DIAPH2: variants seen among roughly 807,000 people sequenced by gnomAD.
DIAPH2 encodes diaphanous related formin 2.
A neutral mutation model predicts 92.7 loss-of-function variants in DIAPH2; 35 were observed. The ratio of observed to expected loss-of-function variants is 0.38; its 90% CI spans 0.29 to 0.50. The LOEUF is 0.50. DIAPH2 is among the 20% of genes least tolerant of loss of function. The pLI is 0.94. For synonymous variants in DIAPH2, 301 were observed against 280.4 expected (o/e 1.07, Z -0.73); for missense variants, 701 against 819.5 (o/e 0.86, Z 1.77).
intron 4 of DIAPH2, among the ~76,000 whole-genome samples, chrX:96,831,506 A>C (rs933932330): frequency 8.9e-6 from 1 of 112,183 alleles, no homozygotes; most frequent in African/African-American, 3.2e-5. Context: ...AAATCTGTGC[A>C]ACTGTGATTA....
intron 24 of DIAPH2, among the ~76,000 whole-genome samples, chrX:97,349,052 T>TATATGTGTGTA (rs1569369723): frequency 9.8e-4 from 99 of 101,040 alleles, no homozygotes; most frequent in African/African-American, 3.3e-3. Flanking sequence ...ATATGTGTAT[T>TATATGTGTGTA]TATATATGTG....
At chrX:97,501,884 C>A (rs187869369) in intron 26 of DIAPH2, among the ~76,000 whole-genome samples, 1 of 111,683 alleles carries the variant, frequency 9.0e-6, no homozygotes. Context: ...CTCACTGCAA[C>A]TTCCGCCTCC....
chrX:96,901,836 T>C (rs2147771483), intron 5 of DIAPH2, among the ~76,000 whole-genome samples: 1 of 110,578 alleles, frequency 9.0e-6, no homozygotes, highest in East Asian at 2.9e-4. Context: ...CGCCCGGCCT[T>C]TGTTTGTTCT....
At chrX:96,787,201 A>G (rs1041467943) in intron 4 of DIAPH2, among the ~76,000 whole-genome samples, 1 of 111,987 alleles carries the variant, frequency 8.9e-6, no homozygotes, top group Admixed American at 9.6e-5. Context: ...GAATTCACGT[A>G]TATAAAACAT....
intron 4 of DIAPH2, among the ~76,000 whole-genome samples, chrX:96,826,057 T>C (rs1392401702): frequency 8.9e-6 from 1 of 111,921 alleles, no homozygotes; most frequent in Non-Finnish European, 1.9e-5. Context: ...CTTATATCAC[T>C]ATTTGGCTCA....
chrX:97,077,301 A>G (rs1017111527), intron 19 of DIAPH2, among the ~76,000 whole-genome samples: 4 of 111,835 alleles, frequency 3.6e-5, no homozygotes, highest in African/African-American at 1.3e-4. Flanking sequence ...TCTACCCCCA[A>G]TTCCAGAACA....
chrX:97,486,663 C>G (rs776809905), intron 26 of DIAPH2, among the ~76,000 whole-genome samples: 5 of 111,612 alleles, frequency 4.5e-5, no homozygotes, highest in Non-Finnish European at 9.4e-5. Flanking sequence ...ACATATATGC[C>G]TACTAGCCCA....
At chrX:97,530,035 G>A (rs2071049583) in intron 26 of DIAPH2, among the ~76,000 whole-genome samples, 1 of 111,973 alleles carries the variant, frequency 8.9e-6, no homozygotes, top group South Asian at 3.7e-4. Flanking sequence ...TTTCCTTTTG[G>A]GGCATTTGCC....
At chrX:97,267,101 G>T (rs1052864930) in intron 23 of DIAPH2, among the ~76,000 whole-genome samples, 14 of 111,799 alleles carry the variant, frequency 1.3e-4, no homozygotes, top group Non-Finnish European at 2.4e-4. Context: ...ACATAGAAAA[G>T]AATTGATTTT....
intron 7 of DIAPH2, among the ~76,000 whole-genome samples, chrX:96,913,905 C>T (rs971636683): frequency 9.1e-6 from 1 of 109,838 alleles, no homozygotes; most frequent in African/African-American, 3.3e-5. Context: ...TAGAAATGAC[C>T]TCTTCATACC....
intron 3 of DIAPH2, among the ~76,000 whole-genome samples, chrX:96,752,677 G>A (rs182206558): frequency 8.9e-6 from 1 of 111,790 alleles, no homozygotes; most frequent in African/African-American, 3.2e-5. Context: ...GGAGAGGATG[G>A]TAAAGATGAC....
chrX:97,566,637 G>T (rs951508594), intron 26 of DIAPH2, among the ~76,000 whole-genome samples: 3 of 111,857 alleles, frequency 2.7e-5, no homozygotes, highest in Admixed American at 1.9e-4. Context: ...AGAGAGAAAT[G>T]TTACATGTAA....
At chrX:96,839,862 C>T (rs2064924164) in intron 4 of DIAPH2, among the ~76,000 whole-genome samples, 1 of 111,628 alleles carries the variant, frequency 9.0e-6, no homozygotes, top group Admixed American at 9.5e-5. Flanking sequence ...TTACTTTTAA[C>T]AGTGAAGTCT....
At chrX:96,939,556 A>ATATATATATGTATG (rs1556303073) in intron 12 of DIAPH2, among the ~76,000 whole-genome samples, 174 bp downstream of exon 12, 36 of 66,942 alleles carry the variant, frequency 5.4e-4, no homozygotes, top group African/African-American at 2.0e-3. Flanking sequence ...GTATATATGT[A>ATATATATATGTATG]TATATATATA....
chrX:97,435,383 G>A (rs1040725298), intron 26 of DIAPH2, among the ~76,000 whole-genome samples: 6 of 111,584 alleles, frequency 5.4e-5, no homozygotes, highest in African/African-American at 6.5e-5. Flanking sequence ...GGGAAAACAC[G>A]AATATAAACC....
At chrX:97,036,951 C>T (rs1204367635) in intron 17 of DIAPH2, among the ~76,000 whole-genome samples, 1 of 111,017 alleles carries the variant, frequency 9.0e-6, no homozygotes, top group African/African-American at 3.3e-5. Context: ...CCTAAGTCTC[C>T]TCATTTAATG....
intron 5 of DIAPH2, among the ~76,000 whole-genome samples, chrX:96,897,544 A>T (rs928505620): frequency 9.0e-6 from 1 of 110,787 alleles, no homozygotes; most frequent in Non-Finnish European, 1.9e-5. Flanking sequence ...ATTTTTTTAG[A>T]TCATATAAGA....
chrX:96,962,430 CATATATATAT>C lies in DIAPH2; in HGVS notation c.1936-2661_1936-2652del, dbSNP rs200739976. 9.1e-5 allele frequency among the ~76,000 whole-genome samples: 4 copies of C among 43,728 alleles called. 1 individual carries two copies. The highest frequency in any genetic ancestry group is 1.7e-4 in the Non-Finnish European group (4 of 23,053). The allele number at this position is 43,728 out of a possible 115,157, so 38.0% of individuals were successfully genotyped here. On this transcript the variant is annotated intron_variant, in intron 16 of 26. Transcript: ENST00000324765. ...ACATATATATATACACATATATATA[CATATATATAT>C]ACATATATACACACACATATATATA... is the stretch of plus-strand genomic sequence containing the variant.
At chrX:96,733,780 T>A (rs1308361750) in intron 1 of DIAPH2, among the ~76,000 whole-genome samples, 1 of 111,478 alleles carries the variant, frequency 9.0e-6, no homozygotes, top group Non-Finnish European at 1.9e-5. Flanking sequence ...ATGATTATCA[T>A]GGGACTGGAT....
Sources: gnomAD v4.1 joint callset for allele counts (sites outside exome capture counted in the v4.1 genomes callset) on GRCh38, gnomAD v4.1.1 for gene constraint, MANE v1.5 for transcripts, NCBI Gene and HGNC (gene_info 2026-07-23, HGNC 2026-07-21) for gene names.